The following SLIT3 variants were observed in gnomAD, a reference collection of about 807,000 sequenced individuals.
SLIT3 encodes slit homolog 3 protein.
SLIT3 carries 68 observed loss-of-function variants against 184.0 expected under a neutral mutation model. The observed-to-expected ratio is 0.37, with a 90% CI of 0.30 to 0.45. The LOEUF is 0.45. Ranked by LOEUF, SLIT3 falls within the 20% of genes least tolerant of loss-of-function variation. The pLI, the probability that SLIT3 is intolerant of heterozygous loss-of-function variation, is 1.00. For synonymous variants in SLIT3, 831 were observed against 828.6 expected, an observed-to-expected ratio of 1.00 and a Z score of -0.05; for missense variants, 1,707 against 2,026.0, an observed-to-expected ratio of 0.84 and a Z score of 3.02.
rs530199026 is a variant in SLIT3 at position 169,283,526 on chromosome 5, T to C, written c.197+16987A>G. On this transcript the variant is annotated intron_variant, in intron 1 of 35. Transcript: ENST00000519560. ...AGCCCTGATCAAAAATCTACCAGGC[T>C]GTATCCCATGGGTGCAGAAGATGAC... 6.6e-5 allele frequency among the ~76,000 whole-genome samples: 10 copies of C among 152,324 alleles called. No homozygotes were observed. In the South Asian group the frequency reaches 2.1e-3, roughly 32 times the overall value.
chr5:169,197,310 T>C (rs866858015), intron 3 of SLIT3, among the ~76,000 whole-genome samples: 10 of 152,110 alleles, frequency 6.6e-5, no homozygotes, highest in African/African-American at 2.4e-4. Flanking sequence ...TGGTTCTCAA[T>C]ATCAGAAGGA....
intron 14 of SLIT3, among the ~76,000 whole-genome samples, chr5:168,764,067 A>C (rs1359605298): frequency 2.0e-5 from 3 of 152,208 alleles, no homozygotes; most frequent in Non-Finnish European, 2.9e-5. Context: ...TCCATGTAAA[A>C]TGGGAATCAA....
chr5:168,709,998 C>T (rs2113316097), intron 25 of SLIT3: 1 of 152,228 alleles, frequency 6.6e-6, no homozygotes, highest in African/African-American at 2.4e-5. Context: ...TAATAATGTA[C>T]TTTGATTCAG....
chr5:168,798,018 G>A (rs920434245), intron 9 of SLIT3, among the ~76,000 whole-genome samples: 1 of 151,938 alleles, frequency 6.6e-6, no homozygotes, highest in African/African-American at 2.4e-5. Flanking sequence ...AGGTATTCAG[G>A]GAAAAGCTGC....
At chr5:168,760,179 G>C (rs930741771) in intron 16 of SLIT3, among the ~76,000 whole-genome samples, 6 of 152,198 alleles carry the variant, frequency 3.9e-5, no homozygotes, top group African/African-American at 1.2e-4. Flanking sequence ...TGAGACAATG[G>C]GTGTGACGCA....
intron 15 of SLIT3, among the ~76,000 whole-genome samples, chr5:168,761,381 C>T (rs969747924): frequency 6.6e-6 from 1 of 152,036 alleles, no homozygotes; most frequent in African/African-American, 2.4e-5. Context: ...TCAGGGAGAG[C>T]AGCAGGGCAG....
At chr5:168,874,352 G>C (rs1265590277) in intron 5 of SLIT3, among the ~76,000 whole-genome samples, 1 of 152,030 alleles carries the variant, frequency 6.6e-6, no homozygotes, top group Non-Finnish European at 1.5e-5. Context: ...ATTCATTCAG[G>C]GTTTCAGCTG....
At chr5:169,277,931 C>G (rs937056122) in intron 1 of SLIT3, among the ~76,000 whole-genome samples, 2 of 152,178 alleles carry the variant, frequency 1.3e-5, no homozygotes, top group South Asian at 4.1e-4. Flanking sequence ...GTTATGTTTT[C>G]TCTTTGACTA....
At position 168,749,650 on chromosome 5, in the gene SLIT3, G is replaced by A. The variant is rs779881892; in HGVS notation, c.1974-15C>T. 7.4e-6 allele frequency: 12 copies of A among 1,613,996 alleles called. 1 individual carries two copies. The Admixed American group carries it at 2.0e-4, about 27-fold the overall frequency. On this transcript the variant is annotated splice_polypyrimidine_tract_variant and intron_variant, in intron 18 of 35. Coordinates refer to ENST00000519560, the MANE Select transcript of SLIT3 (RefSeq NM_003062.4). ...ACAGGAGGTTTCTAGGAAGAGAGAA[G>A]GGTGCTTAGCCTCCATCCTTCTACT... is the stretch of plus-strand genomic sequence containing the variant.
At chr5:169,026,899 G>C (rs1224482823) in intron 4 of SLIT3, among the ~76,000 whole-genome samples, 1 of 152,142 alleles carries the variant, frequency 6.6e-6, no homozygotes. Context: ...TGTGGTGGAA[G>C]GCAAAATTTT....
At chr5:169,045,820 C>A (rs1757604499) in intron 4 of SLIT3, among the ~76,000 whole-genome samples, 1 of 152,188 alleles carries the variant, frequency 6.6e-6, no homozygotes, top group Non-Finnish European at 1.5e-5. Context: ...GGTGAGTCCT[C>A]CGATTTTACC....
chr5:168,796,691 C>A (rs1756575945), intron 9 of SLIT3, among the ~76,000 whole-genome samples: 1 of 152,178 alleles, frequency 6.6e-6, no homozygotes, highest in Admixed American at 6.5e-5. Context: ...TGAACCCATT[C>A]ATCTTGAAGA....
At chr5:168,993,881 CAT>C (rs1243731681) in intron 4 of SLIT3, among the ~76,000 whole-genome samples, 2 of 152,226 alleles carry the variant, frequency 1.3e-5, no homozygotes, top group East Asian at 3.9e-4. Context: ...GATGTTATAA[CAT>C]AATACAAACA....
chr5:169,266,867 C>G (rs1336034246), intron 1 of SLIT3, among the ~76,000 whole-genome samples: 1 of 152,086 alleles, frequency 6.6e-6, no homozygotes, highest in Non-Finnish European at 1.5e-5. Flanking sequence ...TAAACTGATC[C>G]CCTAGGGTCA....
At chr5:168,847,308 G>A (rs999597398) in intron 5 of SLIT3, among the ~76,000 whole-genome samples, 1 of 152,196 alleles carries the variant, frequency 6.6e-6, no homozygotes, top group Non-Finnish European at 1.5e-5. Context: ...TTATAACTGA[G>A]ATTGTCTCCT....
intron 23 of SLIT3, among the ~76,000 whole-genome samples, chr5:168,714,689 A>G (rs558734910): frequency 2.3e-4 from 35 of 152,312 alleles, no homozygotes; most frequent in Admixed American, 2.1e-3. Flanking sequence ...TTTGGCCCCC[A>G]AAGAAGTACT....
At chr5:168,994,703 T>G (rs988853859) in intron 4 of SLIT3, among the ~76,000 whole-genome samples, 1 of 135,664 alleles carries the variant, frequency 7.4e-6, no homozygotes, top group Non-Finnish European at 1.5e-5. Context: ...TGGAGTGCAA[T>G]GATGTGATCT....
chr5:169,272,641 G>A (rs1474391720), intron 1 of SLIT3, among the ~76,000 whole-genome samples: 4 of 152,178 alleles, frequency 2.6e-5, no homozygotes, highest in Non-Finnish European at 5.9e-5. Context: ...GACCATGTGA[G>A]AAGAGAAACG....
intron 4 of SLIT3, among the ~76,000 whole-genome samples, chr5:169,086,122 G>A (rs1354943798): frequency 1.3e-5 from 2 of 152,196 alleles, no homozygotes; most frequent in Non-Finnish European, 1.5e-5. Context: ...CGTGGCCCCT[G>A]TGAGAACAGT....
Sources: gnomAD v4.1 joint callset for allele counts (sites outside exome capture counted in the v4.1 genomes callset) on GRCh38, gnomAD v4.1.1 for gene constraint, MANE v1.5 for transcripts, NCBI Gene and HGNC (gene_info 2026-07-23, HGNC 2026-07-21) for gene names.